The following NKIRAS1 variants were observed in gnomAD, a reference collection of about 807,000 sequenced individuals.
NKIRAS1 encodes the protein NFKB inhibitor interacting Ras like 1.
In NKIRAS1, 16 loss-of-function variants were observed where a neutral mutation model predicts 19.8. That is an observed-to-expected ratio of 0.81 (90% CI 0.55 to 1.23). NKIRAS1 has a LOEUF of 1.23. Ranked by LOEUF, NKIRAS1 falls within the 50% of genes most tolerant of loss-of-function variation. The pLI is 0.00. For synonymous variants in NKIRAS1, 88 were observed against 79.0 expected, an observed-to-expected ratio of 1.11 and a Z score of -0.61; for missense variants, 184 against 220.0, an observed-to-expected ratio of 0.84 and a Z score of 1.04.
chr3:23,919,891 G>GTT, upstream of NKIRAS1: 1 of 993,570 alleles, frequency 1.0e-6, no homozygotes. Flanking sequence ...AAGTGGCTGC[G>GTT]TTTTTTTTAG....
upstream of NKIRAS1, chr3:23,917,878 A>G (rs1270821829): frequency 7.5e-6 from 12 of 1,610,150 alleles, 1 homozygote; most frequent in South Asian, 1.2e-4. Context: ...ATACAAGTAC[A>G]TCCAGGAGCT....
intron 1 of NKIRAS1, among the ~76,000 whole-genome samples, chr3:23,929,267 C>T (rs1470908800): frequency 2.1e-5 from 3 of 142,948 alleles, no homozygotes; most frequent in South Asian, 2.3e-4. Flanking sequence ...TGGAGGCCGA[C>T]GTAGGAGAAT....
intron 1 of NKIRAS1, among the ~76,000 whole-genome samples, chr3:23,943,509 G>A (rs1438303961): frequency 6.6e-6 from 1 of 152,258 alleles, no homozygotes; most frequent in African/African-American, 2.4e-5. Flanking sequence ...GGGATTACAG[G>A]CGTCAGCCCC....
rs533007530 is a variant in NKIRAS1 at position 23,927,181 on chromosome 3, C to G, written c.-139-15731G>C. Among the ~76,000 whole-genome samples, 1 of 152,238 alleles carries G rather than the reference C, an allele frequency of 6.6e-6. No homozygotes were observed. The highest frequency in any genetic ancestry group is 1.9e-4 in the East Asian group (1 of 5,190). On this transcript the variant is annotated intron_variant, in intron 1 of 4. Coordinates refer to the NKIRAS1 transcript ENST00000421515. The surrounding 1 kb of genome is among the most constrained non-coding windows in gnomAD (Gnocchi z 4.0). ...TAAGAAAAATAAACTGAAAATAAAG[C>G]CTTTTAGTATAAAATGCTGCTCAAG...
At chr3:23,920,580 A>G (rs1705023944), upstream of NKIRAS1, 7 of 985,236 alleles carry the variant, frequency 7.1e-6, no homozygotes, top group South Asian at 4.7e-5. Context: ...TTGAGTGTAA[A>G]GAAAATGTAG....
intron 1 of NKIRAS1, among the ~76,000 whole-genome samples, chr3:23,942,570 T>C (rs1207400689): frequency 6.6e-6 from 1 of 152,156 alleles, no homozygotes; most frequent in Non-Finnish European, 1.5e-5. Context: ...TAGCTGGGAT[T>C]ACAGGCATGT....
At chr3:23,912,376 C>T (rs556264954) in intron 1 of NKIRAS1, among the ~76,000 whole-genome samples, 11 of 152,112 alleles carry the variant, frequency 7.2e-5, no homozygotes, top group Middle Eastern at 3.4e-3. Context: ...AAAAAGTGGG[C>T]GAAGGATATG....
intron 1 of NKIRAS1, among the ~76,000 whole-genome samples, chr3:23,940,295 T>C (rs778148528): frequency 5.9e-5 from 9 of 151,942 alleles, no homozygotes; most frequent in African/African-American, 2.2e-4. Context: ...TAATAAGTTA[T>C]ATGATTGCAC....
At chr3:23,930,008 G>C (rs1705277539) in intron 1 of NKIRAS1, among the ~76,000 whole-genome samples, 2 of 151,956 alleles carry the variant, frequency 1.3e-5, no homozygotes, top group Non-Finnish European at 2.9e-5. Context: ...GGATAATCTG[G>C]ACAAACACTC....
At chr3:23,913,393 TAA>T (rs1246601883) in intron 1 of NKIRAS1, among the ~76,000 whole-genome samples, 3 of 152,162 alleles carry the variant, frequency 2.0e-5, no homozygotes, top group African/African-American at 7.2e-5. Flanking sequence ...GATGAAAAGA[TAA>T]GTGTGATTAA....
In NKIRAS1 at chr3:23,893,307, C is replaced by G; in HGVS notation, c.367G>C (p.Asp123His). ...TCCACTTGTCTCTGCTCAGAAAGGT[C>G]GATTTTGTTTCCTAATACCACAATT... ...VAIVVLGNKI[D>H]LSEQRQVDAE... is the part of the protein sequence containing the mutation. The change falls in exon 5 of 5, where the codon GAC becomes CAC. Residue 123 changes from aspartate to histidine, a missense_variant. Transcript: ENST00000425478. The G allele has an allele frequency of 6.2e-7, 1 of 1,613,476 alleles. No individual in the cohort carries two copies. The highest frequency in any genetic ancestry group is 8.5e-7 in the Non-Finnish European group (1 of 1,179,760).
At chr3:23,916,361 C>A (rs1704427764) in intron 1 of NKIRAS1, 2 of 152,204 alleles carry the variant, frequency 1.3e-5, no homozygotes, top group South Asian at 4.1e-4. Context: ...CATTTCTTCT[C>A]TAAAACATTC....
upstream of NKIRAS1, chr3:23,920,199 A>G: frequency 2.0e-6 from 2 of 985,856 alleles, no homozygotes; most frequent in Non-Finnish European, 2.4e-6. Flanking sequence ...GTGAGCTTAG[A>G]CGTCAACCCT....
chr3:23,946,159 C>A lies in NKIRAS1; in HGVS notation c.-140+164G>T, dbSNP rs1474941256. ...CGGGGTTGCACACTGCGGAGGAGGCCGCGCGTGCGCGCCCGCTGAGCCCCC... is the reference window on the plus strand; with the variant it reads ...CGGGGTTGCACACTGCGGAGGAGGCAGCGCGTGCGCGCCCGCTGAGCCCCC... On this transcript the variant is annotated intron_variant, in intron 1 of 4. Coordinates refer to the NKIRAS1 transcript ENST00000421515. 3 of 985,010 alleles carry A rather than the reference C, an allele frequency of 3.0e-6. No homozygotes were observed. The Admixed American group carries it at 1.8e-4, about 61-fold the overall frequency. The allele number at this position is 985,010 out of a possible 1,614,324, so 61.0% of individuals were successfully genotyped here.
chr3:23,945,898 G>A (rs1705672871), intron 1 of NKIRAS1, among the ~76,000 whole-genome samples: 1 of 150,894 alleles, frequency 6.6e-6, no homozygotes, highest in African/African-American at 2.4e-5. Flanking sequence ...CGCGGGCGCC[G>A]GTTGGCTGGG....
At position 23,899,062 on chromosome 3, in the gene NKIRAS1, C is replaced by T. The variant is rs557782830; in HGVS notation, c.336+1746G>A. 4.7e-4 allele frequency among the ~76,000 whole-genome samples: 72 copies of T among 152,256 alleles called. 1 individual carries two copies. The South Asian group carries it at 9.1e-3, about 19-fold the overall frequency. Reference sequence around the variant, plus strand: ...GTGGAAAAATTGTCATCCACAAAACCGGTCCCTGGTGCCAAAAAGACTGGG... The same window carrying T: ...GTGGAAAAATTGTCATCCACAAAACTGGTCCCTGGTGCCAAAAAGACTGGG... On this transcript the variant is annotated intron_variant, in intron 4 of 4. Coordinates refer to ENST00000425478, the MANE Select transcript of NKIRAS1 (RefSeq NM_020345.4).
chr3:23,946,159 C>T (rs1474941256), intron 1 of NKIRAS1: 2 of 985,008 alleles, frequency 2.0e-6, no homozygotes, highest in Non-Finnish European at 2.4e-6. Context: ...CGGAGGAGGC[C>T]GCGCGTGCGC....
intron 1 of NKIRAS1, chr3:23,924,318 G>C (rs974300579): frequency 6.6e-6 from 1 of 152,192 alleles, no homozygotes; most frequent in Non-Finnish European, 1.5e-5. Context: ...TTTTCTATCA[G>C]AGAATCCCCC....
intron 3 of NKIRAS1, among the ~76,000 whole-genome samples, chr3:23,907,415 C>T (rs559522094): frequency 5.3e-5 from 8 of 152,302 alleles, no homozygotes; most frequent in Middle Eastern, 3.4e-3. Context: ...CTAACCCGTG[C>T]ACTGTTGAAG....
Sources: gnomAD v4.1 joint callset for allele counts (sites outside exome capture counted in the v4.1 genomes callset) on GRCh38, gnomAD v4.1.1 for gene constraint, Gnocchi (gnomAD v3.1) non-coding constraint, MANE v1.5 for transcripts, NCBI Gene and HGNC (gene_info 2026-07-23, HGNC 2026-07-21) for gene names.